VPS13A: variants seen among roughly 807,000 people sequenced by gnomAD.
VPS13A encodes vacuolar protein sorting 13 homolog A.
In VPS13A, 264 loss-of-function variants were observed where a neutral mutation model predicts 390.9. That is an observed-to-expected ratio of 0.68 (90% CI 0.61 to 0.75). The LOEUF (loss-of-function observed/expected upper bound fraction) is 0.75. Among genes scored for constraint, VPS13A ranks in the 30% least tolerant of loss-of-function variants. VPS13A has a pLI of 0.00. For missense variants in VPS13A, 3,409 were observed against 3,733.9 expected (o/e 0.91, Z 2.27); for synonymous variants, 1,231 against 1,227.1 (o/e 1.00, Z -0.07).
At chr9:77,337,908 A>C in intron 47 of VPS13A, 1 of 167,614 alleles carries the variant, frequency 6.0e-6, no homozygotes, top group Non-Finnish European at 1.3e-5. Flanking sequence ...TGCTTATCAA[A>C]TGGAAGAAAG....
chr9:77,315,867 G>A (rs1170998827), intron 38 of VPS13A, among the ~76,000 whole-genome samples: 1 of 151,842 alleles, frequency 6.6e-6, no homozygotes, highest in Non-Finnish European at 1.5e-5. Context: ...TTAACGTACG[G>A]TTTCTCTATT....
At chr9:77,344,898 T>C (rs977215535) in intron 51 of VPS13A, 111 bp from the exon 52 acceptor site, 2 of 1,228,648 alleles carry the variant, frequency 1.6e-6, no homozygotes, top group African/African-American at 3.0e-5. Context: ...GTTTTCTCAG[T>C]CATCCCAAAA....
At chr9:77,404,180 C>G (rs12344542) in intron 69 of VPS13A, among the ~76,000 whole-genome samples, 32,209 of 152,016 alleles carry the variant, frequency 0.21, 3,667 homozygotes, top group African/African-American at 0.26. Flanking sequence ...GATACTGGTC[C>G]CTCTGTTCCC....
chr9:77,420,484 A>T lies in VPS13A; in HGVS notation c.*4478A>T, dbSNP rs1307454137. On this transcript the variant is annotated 3_prime_UTR_variant, in exon 72 of 72. Transcript: ENST00000360280. ...TAAAGCATTATGGCATTTTCAAAAA[A>T]AAAATTATTTTGGTTACCCAAAAAG... is the stretch of plus-strand genomic sequence containing the variant. 1 of 152,200 alleles carries T rather than the reference A, an allele frequency of 6.6e-6. No individual in the cohort carries two copies. Among genetic ancestry groups the T allele is most frequent in the East Asian group, 1.9e-4 (1 of 5,204 alleles). The allele number at this position is 152,200 out of a possible 1,614,324, so 9.4% of individuals were successfully genotyped here.
In VPS13A at chr9:77,414,528, G is replaced by A. The variant is rs559852552; in HGVS notation, c.9475-1428G>A. Among the ~76,000 whole-genome samples the A allele has an allele frequency of 2.0e-5, 3 of 151,590 alleles. No homozygotes were observed. In the South Asian group the frequency reaches 6.3e-4, roughly 32 times the overall value. On this transcript the variant is annotated intron_variant, in intron 71 of 71. Coordinates refer to ENST00000360280, the MANE Select transcript of VPS13A (RefSeq NM_033305.3). The stretch of plus-strand genomic sequence containing the variant: ...ACTGCATGTTCTCACTCATAGGTGG[G>A]AATTGAACAATGAGAACACATGGAC...
intron 67 of VPS13A, among the ~76,000 whole-genome samples, chr9:77,375,017 A>T (rs547479566): frequency 1.6e-4 from 25 of 152,138 alleles, no homozygotes; most frequent in Non-Finnish European, 3.7e-4. Context: ...AGGTGGGGGA[A>T]AAAGGAATCA....
intron 19 of VPS13A, 99 bp from the exon 20 acceptor site, chr9:77,247,160 T>G (rs1824865160): frequency 9.5e-7 from 1 of 1,058,084 alleles, no homozygotes; most frequent in East Asian, 2.6e-5. Context: ...AATACTAATT[T>G]TACATTAAGA....
At chr9:77,334,280 A>G (rs1047968198) in intron 46 of VPS13A, among the ~76,000 whole-genome samples, 2 of 152,076 alleles carry the variant, frequency 1.3e-5, no homozygotes, top group Admixed American at 1.3e-4. Context: ...TTCTTGCTCC[A>G]TTTTTATAAA....
intron 68 of VPS13A, among the ~76,000 whole-genome samples, chr9:77,386,378 G>A (rs1052049996): frequency 2.0e-5 from 3 of 152,054 alleles, no homozygotes; most frequent in Non-Finnish European, 2.9e-5. Context: ...AAGAGACTGT[G>A]GAAACTACTT....
At chr9:77,322,508 G>A (rs190419961) in intron 44 of VPS13A, among the ~76,000 whole-genome samples, 8 of 151,762 alleles carry the variant, frequency 5.3e-5, no homozygotes, top group South Asian at 2.1e-4. Context: ...TTGTCATAGC[G>A]TTGTAATTAA....
Position 77,273,314 on chromosome 9 carries a change from T to C in VPS13A, c.2462T>C (p.Ile821Thr). 6.2e-7 allele frequency: 1 copy of C among 1,612,334 alleles called. No homozygotes were observed. Among genetic ancestry groups the C allele is most frequent in the Non-Finnish European group, 8.5e-7 (1 of 1,179,156 alleles). The change falls in exon 24 of 72, where the codon ATT becomes ACT. Residue 821 changes from isoleucine to threonine, a missense_variant. By Grantham distance (89) the Ile-to-Thr change is moderately conservative. Coordinates refer to ENST00000360280, the MANE Select transcript of VPS13A (RefSeq NM_033305.3). ...QTSTSLGTSQ[I>T]SQKIIPLLEL... ...TCTACTTCTTTGGGAACATCACAGA[T>C]TTCACAGAAAATAATTCCTCTCTTG...
At chr9:77,185,179 G>A (rs1824258861) in intron 1 of VPS13A, among the ~76,000 whole-genome samples, 1 of 150,862 alleles carries the variant, frequency 6.6e-6, no homozygotes, top group Admixed American at 6.6e-5. Flanking sequence ...GTCTCGCTCT[G>A]TCGCCAGGCT....
chr9:77,413,113 A>G (rs1835014950), intron 71 of VPS13A, among the ~76,000 whole-genome samples: 1 of 152,238 alleles, frequency 6.6e-6, no homozygotes, highest in Admixed American at 6.5e-5. Flanking sequence ...AACAAATGGA[A>G]GAACATTCCA....
rs139191614 is a variant in VPS13A at position 77,253,683 on chromosome 9, C to T, written c.2288+1331C>T. On this transcript the variant is annotated intron_variant, in intron 22 of 71. Coordinates refer to ENST00000360280, the MANE Select transcript of VPS13A (RefSeq NM_033305.3). The stretch of plus-strand genomic sequence containing the variant: ...TGATTTGCAAATATTTTTTCTCACT[C>T]TGTGTTTCCTTATCACTCTGTTGAT... 7.3e-3 allele frequency among the ~76,000 whole-genome samples: 1,104 copies of T among 152,210 alleles called. 14 individuals are homozygous for T. The highest frequency in any genetic ancestry group is 0.025 in the African/African-American group (1,031 of 41,526).
intron 23 of VPS13A, among the ~76,000 whole-genome samples, chr9:77,272,390 C>A (rs1352455015): frequency 6.6e-6 from 1 of 152,070 alleles, no homozygotes; most frequent in Non-Finnish European, 1.5e-5. Flanking sequence ...ATGGGCATAT[C>A]AAGGATGTTT....
intron 44 of VPS13A, among the ~76,000 whole-genome samples, chr9:77,322,539 C>CT (rs150115386): frequency 0.1 from 15,607 of 150,490 alleles, 822 homozygotes; most frequent in Middle Eastern, 0.14. Flanking sequence ...AATTTTACGT[C>CT]TTTTTTTTTA....
chr9:77,248,635 T>C (rs1235518957), intron 20 of VPS13A, among the ~76,000 whole-genome samples: 1 of 152,152 alleles, frequency 6.6e-6, no homozygotes, highest in East Asian at 1.9e-4. Context: ...CCACATGGGG[T>C]TATTTAAATT....
At chr9:77,402,885 C>T (rs1226592704) in intron 68 of VPS13A, among the ~76,000 whole-genome samples, 2 of 152,178 alleles carry the variant, frequency 1.3e-5, no homozygotes, top group African/African-American at 4.8e-5. Flanking sequence ...TTAGTATTTA[C>T]ATGTGTTTTT....
In VPS13A at chr9:77,276,238, T is replaced by C; in HGVS notation, c.2824+17T>C. ...AATACTTGGGTAAGAATCTCTATTT[T>C]TTAAAATAAATAAATTAATTTCATT... On this transcript the variant is annotated intron_variant, in intron 26 of 71. Transcript: ENST00000360280. The C allele has an allele frequency of 6.4e-7, 1 of 1,561,088 alleles. No homozygotes were observed. Among genetic ancestry groups the C allele is most frequent in the Non-Finnish European group, 8.7e-7 (1 of 1,154,502 alleles).
Sources: allele counts gnomAD v4.1 joint callset (sites outside exome capture counted in the v4.1 genomes callset), GRCh38; gene constraint gnomAD v4.1.1; transcripts MANE v1.5; gene names NCBI Gene and HGNC (gene_info 2026-07-23, HGNC 2026-07-21).